Variants in SPTLC2 observed in about 807,000 individuals in gnomAD.
SPTLC2 encodes serine palmitoyltransferase long chain base subunit 2, also known as serine palmitoyltransferase 2.
A neutral mutation model predicts 62.0 loss-of-function variants in SPTLC2; 21 were observed. That is an observed-to-expected ratio of 0.34 (90% confidence interval 0.24 to 0.49). The LOEUF is 0.49. SPTLC2 is among the 20% of genes least tolerant of loss of function. The probability of loss-of-function intolerance (pLI) is 0.99; values close to 1 mark genes in which losing one functional copy is unlikely to be tolerated. For missense variants in SPTLC2, 511 were observed against 713.0 expected, an observed-to-expected ratio of 0.72 and a Z score of 3.23; for synonymous variants, 261 against 261.8, an observed-to-expected ratio of 1.00 and a Z score of 0.03.
At chr14:77,523,683 T>C (rs1380054190) in intron 9 of SPTLC2, among the ~76,000 whole-genome samples, 1 of 152,186 alleles carries the variant, frequency 6.6e-6, no homozygotes, top group African/African-American at 2.4e-5. Flanking sequence ...AAAGATCTTA[T>C]AATATGTGGG....
intron 9 of SPTLC2, among the ~76,000 whole-genome samples, chr14:77,524,136 C>T (rs759251912): frequency 6.6e-6 from 1 of 152,068 alleles, no homozygotes; most frequent in Non-Finnish European, 1.5e-5. Context: ...TGATGAATCT[C>T]AAAATATAAT....
intron 2 of SPTLC2, among the ~76,000 whole-genome samples, chr14:77,583,200 A>AATAAATAT (rs2079762162): frequency 1.5e-4 from 1 of 6,596 alleles, no homozygotes; most frequent in Non-Finnish European, 1.0e-3. Context: ...AAGCTGTCTC[A>AATAAATAT]ATAAATAAAT....
intron 9 of SPTLC2, among the ~76,000 whole-genome samples, chr14:77,542,079 C>A (rs56053567): frequency 0.24 from 33,356 of 141,324 alleles, 4,031 homozygotes; most frequent in African/African-American, 0.29. Context: ...AAAAAAAAAA[C>A]CAAGAAAAAC....
At chr14:77,574,384 T>C (rs1042762766) in intron 4 of SPTLC2, among the ~76,000 whole-genome samples, 4 of 152,176 alleles carry the variant, frequency 2.6e-5, no homozygotes, top group Admixed American at 1.3e-4. Context: ...GGAACCCTCA[T>C]ACATCGATGG....
At chr14:77,597,031 T>C (rs1001890735) in intron 2 of SPTLC2, among the ~76,000 whole-genome samples, 155 bp downstream of exon 2, 3 of 152,254 alleles carry the variant, frequency 2.0e-5, no homozygotes, top group African/African-American at 7.2e-5. Flanking sequence ...TTGTTATTTT[T>C]CAGCTTTCTT....
chr14:77,591,723 TATG>T (rs1566789639), intron 2 of SPTLC2, among the ~76,000 whole-genome samples: 11 of 148,122 alleles, frequency 7.4e-5, no homozygotes, highest in Non-Finnish European at 1.2e-4. Context: ...TGTATGTATG[TATG>T]TATGTATTTA....
Position 77,579,030 on chromosome 14 carries a change from C to T in SPTLC2, c.407G>A (p.Arg136Gln), listed in dbSNP as rs760762454. 6 of 1,613,996 alleles carry T rather than the reference C, an allele frequency of 3.7e-6. No individual in the cohort carries two copies. Among genetic ancestry groups the T allele is most frequent in the South Asian group, 3.3e-5 (3 of 91,080 alleles). ...GGCTCCAGGCACACTACAGATTGGC[C>T]GATTCCAGTTGTCTCTTATCCTCAT... ...LYMRIRDNWN[R>Q]PICSVPGARV... Residue 136 changes from arginine (R) to glutamine (Q), a missense_variant, in exon 3 of 12, where the codon CGG becomes CAG. Coordinates refer to ENST00000216484, the MANE Select transcript of SPTLC2 (RefSeq NM_004863.4).
chr14:77,606,293 C>T (rs1407027189), intron 1 of SPTLC2, among the ~76,000 whole-genome samples: 1 of 152,206 alleles, frequency 6.6e-6, no homozygotes, highest in East Asian at 1.9e-4. Context: ...CCGCGTGCCA[C>T]TGCACTCCAG....
At chr14:77,572,126 T>C (rs940972152) in intron 4 of SPTLC2, among the ~76,000 whole-genome samples, 2 of 152,240 alleles carry the variant, frequency 1.3e-5, no homozygotes, top group African/African-American at 4.8e-5. Context: ...AAAGGCATAA[T>C]GTATCCTTAC....
At chr14:77,520,357 C>T (rs2079379745) in intron 10 of SPTLC2, among the ~76,000 whole-genome samples, 1 of 152,216 alleles carries the variant, frequency 6.6e-6, no homozygotes, top group African/African-American at 2.4e-5. Context: ...CTTTGAATCA[C>T]ATTACTTCCA....
At chr14:77,541,517 C>A (rs909090590) in intron 9 of SPTLC2, among the ~76,000 whole-genome samples, 7 of 152,136 alleles carry the variant, frequency 4.6e-5, no homozygotes, top group African/African-American at 1.7e-4. Flanking sequence ...GATATACACC[C>A]ATTTAGAAGC....
chr14:77,509,930 G>A lies in SPTLC2; in HGVS notation c.*2354C>T. The A allele has an allele frequency of 2.5e-6, 1 of 398,400 alleles. No homozygotes were observed. 24.7% of individuals were successfully genotyped at this position (398,400 alleles called of 1,614,324 possible). A position where few individuals can be genotyped will look rare whatever the true frequency, so the allele number is the denominator to read the frequency against. ...GCCGGTACTGACATTTGAATTTGCAGTGACTTCATGCAAGCCAAAATAAAA... is the reference window on the plus strand; with the variant it reads ...GCCGGTACTGACATTTGAATTTGCAATGACTTCATGCAAGCCAAAATAAAA... On this transcript the variant is annotated 3_prime_UTR_variant, in exon 12 of 12. Transcript: ENST00000216484.
At chr14:77,528,235 C>T (rs1210151944) in intron 9 of SPTLC2, among the ~76,000 whole-genome samples, 1 of 151,850 alleles carries the variant, frequency 6.6e-6, no homozygotes, top group African/African-American at 2.4e-5. Context: ...CTCTTTTCCT[C>T]TTCTTTTTTT....
chr14:77,534,193 C>T (rs2079456823), intron 9 of SPTLC2, among the ~76,000 whole-genome samples: 1 of 147,890 alleles, frequency 6.8e-6, no homozygotes, highest in Admixed American at 6.8e-5. Context: ...CACACACACA[C>T]ACACACACAC....
At chr14:77,555,182 TA>T in intron 8 of SPTLC2, 117 bp downstream of exon 8, 1 of 1,161,268 alleles carries the variant, frequency 8.6e-7, no homozygotes, top group Non-Finnish European at 1.3e-6. Flanking sequence ...ATTATGAGCC[TA>T]AACCAGAGGC....
chr14:77,573,788 C>G (rs555076438), intron 4 of SPTLC2, among the ~76,000 whole-genome samples: 1 of 152,074 alleles, frequency 6.6e-6, no homozygotes, highest in African/African-American at 2.4e-5. Context: ...CCTTCCATCA[C>G]GCCCAGCTAA....
chr14:77,521,017 A>G (rs2079382509), intron 10 of SPTLC2, among the ~76,000 whole-genome samples: 1 of 152,052 alleles, frequency 6.6e-6, no homozygotes, highest in African/African-American at 2.4e-5. Context: ...TACCCTGACC[A>G]CCCTATTTAA....
chr14:77,538,093 C>T (rs376943401), intron 9 of SPTLC2, among the ~76,000 whole-genome samples: 1 of 152,314 alleles, frequency 6.6e-6, no homozygotes, highest in East Asian at 1.9e-4. Context: ...CATATAATCA[C>T]TTCATTCTCT....
chr14:77,562,612 G>A, intron 5 of SPTLC2, 123 bp from the exon 6 acceptor site: 4 of 732,372 alleles, frequency 5.5e-6, no homozygotes, highest in Non-Finnish European at 9.4e-6. Flanking sequence ...CAACAGCACA[G>A]TGATCAATTT....
Sources: gnomAD v4.1 joint callset for allele counts (sites outside exome capture counted in the v4.1 genomes callset) on GRCh38, gnomAD v4.1.1 for gene constraint, MANE v1.5 for transcripts, NCBI Gene and HGNC (gene_info 2026-07-23, HGNC 2026-07-21) for gene names.